The following HSPH1 variants were observed in gnomAD, a reference collection of about 807,000 sequenced individuals.
HSPH1 encodes heat shock protein family H (Hsp110) member 1.
Under a neutral mutation model 100.0 loss-of-function variants are expected in HSPH1, and 40 were observed. The observed-to-expected ratio is 0.40, with a 90% CI of 0.31 to 0.52. The LOEUF (loss-of-function observed/expected upper bound fraction) is 0.52. HSPH1 is among the 20% of genes least tolerant of loss of function. The pLI, the probability that HSPH1 is intolerant of heterozygous loss-of-function variation, is 0.54. For missense variants in HSPH1, 876 were observed against 1,015.1 expected (o/e 0.86, Z 1.86); for synonymous variants, 403 against 344.0 (o/e 1.17, Z -1.90).
At chr13:31,157,563 T>C (rs1484444453) in intron 2 of HSPH1, among the ~76,000 whole-genome samples, 1 of 152,236 alleles carries the variant, frequency 6.6e-6, no homozygotes, top group African/African-American at 2.4e-5. Flanking sequence ...GATTTTTTAA[T>C]AGGTCAGTAC....
At chr13:31,151,219 T>C in intron 6 of HSPH1, 28 bp from the exon 7 acceptor site, 1 of 1,555,982 alleles carries the variant, frequency 6.4e-7, no homozygotes, top group East Asian at 2.2e-5. Flanking sequence ...ACAAATAGTC[T>C]GGTTATTTTC....
At chr13:31,143,572 G>A (rs1956171656) in intron 12 of HSPH1, among the ~76,000 whole-genome samples, 1 of 152,124 alleles carries the variant, frequency 6.6e-6, no homozygotes, top group African/African-American at 2.4e-5. Context: ...TTAATCAAGA[G>A]AAGCTTTTAA....
At position 31,141,114 on chromosome 13, in the gene HSPH1, G is replaced by A; in HGVS notation, c.1854+8C>T. 1 of 1,529,210 alleles carries A rather than the reference G, an allele frequency of 6.5e-7. No individual in the cohort carries two copies. The highest frequency in any genetic ancestry group is 2.0e-5 in the Admixed American group (1 of 49,500). 94.7% of individuals were successfully genotyped at this position (1,529,210 alleles called of 1,614,324 possible). ...TTCAAAATAAAAATATTTAATTGAA[G>A]TACTTACCTCTGTCTCAATATACAT... On this transcript the variant is annotated splice_region_variant and intron_variant, in intron 13 of 17. Transcript: ENST00000320027.
In HSPH1 at chr13:31,137,362, A is replaced by G. The variant is rs1200416811; in HGVS notation, c.2533T>C (p.Cys845Arg). Reference protein sequence around the residue: ...GAEPPHQNGECYPNEKNSVNM... With the variant: ...GAEPPHQNGERYPNEKNSVNM... The stretch of plus-strand genomic sequence containing the variant: ...ACAGAATTTTTCTCATTAGGGTAAC[A>G]TTCACCATTCTGATGTGGAGGTTCA... The change falls in exon 18 of 18, where the codon TGT becomes CGT. Residue 845 changes from cysteine to arginine, a missense_variant. Coordinates refer to ENST00000320027, the MANE Select transcript of HSPH1 (RefSeq NM_006644.4). 4.3e-6 allele frequency: 7 copies of G among 1,613,174 alleles called. No individual in the cohort carries two copies. In the African/African-American group the frequency reaches 5.3e-5, roughly 12 times the overall value.
chr13:31,144,927 A>G (rs751093707), intron 11 of HSPH1, among the ~76,000 whole-genome samples: 2 of 152,320 alleles, frequency 1.3e-5, no homozygotes, highest in East Asian at 3.9e-4. Flanking sequence ...CATCTTAACT[A>G]AAACACCACA....
intron 5 of HSPH1, chr13:31,151,962 T>A: frequency 2.0e-6 from 1 of 495,650 alleles, no homozygotes; most frequent in Non-Finnish European, 3.6e-6. Context: ...TTTCAATATA[T>A]GGAGATGTGC....
chr13:31,135,171 C>T lies in HSPH1; in HGVS notation c.*2147G>A, dbSNP rs1326235761. ...TTATAAAGTAATCAACATGACAATA[C>T]TTTTGCCCGCATCCAAAAGCGCAGT... On this transcript the variant is annotated 3_prime_UTR_variant, in exon 18 of 18. Transcript: ENST00000320027. 2 of 152,194 alleles carry T rather than the reference C, an allele frequency of 1.3e-5. No homozygotes were observed. The highest frequency in any genetic ancestry group is 6.5e-5 in the Admixed American group (1 of 15,280). 9.4% of individuals were successfully genotyped at this position (152,194 alleles called of 1,614,324 possible).
intron 2 of HSPH1, among the ~76,000 whole-genome samples, chr13:31,157,216 A>G (rs1472311053): frequency 6.6e-6 from 1 of 152,214 alleles, no homozygotes; most frequent in Non-Finnish European, 1.5e-5. Context: ...GTCTCAACAG[A>G]TTCTTCTCAA....
At chr13:31,156,258 C>T (rs1352975886) in intron 2 of HSPH1, among the ~76,000 whole-genome samples, 2 of 152,024 alleles carry the variant, frequency 1.3e-5, no homozygotes, top group African/African-American at 4.8e-5. Flanking sequence ...GGCGTGGTTG[C>T]GGGCACCTGC....
rs902685464 is a variant in HSPH1, at chr13:31,137,613, T to C, written c.2371-89A>G. On this transcript the variant is annotated intron_variant, in intron 17 of 17. Coordinates refer to ENST00000320027, the MANE Select transcript of HSPH1 (RefSeq NM_006644.4). ...TCTCCACATACTCAACCCACTATTT[T>C]TCTACCAACTCCAATTACACATAAA... is the stretch of plus-strand genomic sequence containing the variant. 6 of 866,968 alleles carry C rather than the reference T, an allele frequency of 6.9e-6. No individual in the cohort carries two copies. In the African/African-American group the frequency reaches 1.0e-4, roughly 15 times the overall value. 53.7% of individuals were successfully genotyped at this position (866,968 alleles called of 1,614,324 possible).
At chr13:31,152,191 C>T (rs1232749676) in intron 5 of HSPH1, 1 of 152,786 alleles carries the variant, frequency 6.5e-6, no homozygotes, top group Non-Finnish European at 1.5e-5. Context: ...TTTTTCTGAA[C>T]TTTAAACAAC....
intron 11 of HSPH1, among the ~76,000 whole-genome samples, chr13:31,144,317 A>G (rs1280073848): frequency 6.6e-6 from 1 of 152,152 alleles, no homozygotes; most frequent in Non-Finnish European, 1.5e-5. Flanking sequence ...ACCAGCAGCC[A>G]TCATGGATCT....
chr13:31,158,481 G>A (rs113968854), intron 2 of HSPH1, among the ~76,000 whole-genome samples: 2,530 of 150,872 alleles, frequency 0.017, 73 homozygotes, highest in African/African-American at 0.059. Flanking sequence ...CCCGGGAGGC[G>A]GAGGTTGCAG....
intron 5 of HSPH1, 137 bp downstream of exon 5, chr13:31,152,715 A>C: frequency 1.6e-6 from 1 of 611,828 alleles, no homozygotes; most frequent in Non-Finnish European, 2.9e-6. Context: ...AAGCATTTTA[A>C]GAGGTAGACT....
At position 31,137,331 on chromosome 13, in the gene HSPH1, A is replaced by G. The variant is rs778687386; in HGVS notation, c.2564T>C (p.Met855Thr). 3.7e-6 allele frequency: 6 copies of G among 1,606,274 alleles called. No homozygotes were observed. The Admixed American group carries it at 1.0e-4, about 27-fold the overall frequency. The change falls in exon 18 of 18, where the codon ATG (methionine) becomes ACG (threonine). Residue 855 changes from methionine (M) to threonine (T), a missense_variant. Physicochemically the swap from Met to Thr is moderately conservative, Grantham distance 81. Transcript: ENST00000320027. Reference protein sequence around the residue: ...CYPNEKNSVNMDLD With the variant: ...CYPNEKNSVNTDLD ...ATTTAAGGTTATCTAGTCCAAGTCC[A>G]TATTAACAGAATTTTTCTCATTAGG...
rs1388531338 is a variant in HSPH1 at position 31,135,032 on chromosome 13, T to C, written c.*2286A>G. ...TCACAAAATGACAATTTAAAATGAA[T>C]TGTAAAATTTAATCTTTAAACAGCA... On this transcript the variant is annotated 3_prime_UTR_variant, in exon 18 of 18. Coordinates refer to ENST00000320027, the MANE Select transcript of HSPH1 (RefSeq NM_006644.4). The C allele has an allele frequency of 6.6e-6, 1 of 152,218 alleles. No individual in the cohort carries two copies. Among genetic ancestry groups the C allele is most frequent in the Admixed American group, 6.5e-5 (1 of 15,286 alleles). 9.4% of individuals were successfully genotyped at this position (152,218 alleles called of 1,614,324 possible). A position where few individuals can be genotyped will look rare whatever the true frequency, so the allele number is the denominator to read the frequency against.
chr13:31,155,625 A>G lies in HSPH1; in HGVS notation c.195T>C (p.Ser65=). 1 of 1,611,850 alleles carries G rather than the reference A, an allele frequency of 6.2e-7. No homozygotes were observed. Among genetic ancestry groups the G allele is most frequent in the South Asian group, 1.1e-5 (1 of 90,438 alleles). Reference sequence around the variant, plus strand: ...CTCGGCCATGAAATCTTTTGAAGTTAGACACCGTATTGTTTGCATGAGTGA... The same window carrying G: ...CTCGGCCATGAAATCTTTTGAAGTTGGACACCGTATTGTTTGCATGAGTGA... ...QQITHANNTV[S]NFKRFHGRAF... Residue 65 remains serine (S), a synonymous_variant, in exon 3 of 18, where the codon TCT becomes TCC. Transcript: ENST00000320027.
In HSPH1 at chr13:31,141,218, C is replaced by T. The variant is rs766279813; in HGVS notation, c.1758G>A (p.Lys586=). 6.2e-7 allele frequency: 1 copy of T among 1,609,324 alleles called. No homozygotes were observed. The highest frequency in any genetic ancestry group is 1.7e-5 in the Admixed American group (1 of 59,474). ...CAACATTCACCACCTTTATTTTGGG[C>T]TTTTTAGCTTCTGGAGGCTGGTCAA... The part of the protein sequence containing the change: ...KKVDQPPEAK[K]PKIKVVNVEL... Residue 586 remains lysine (K), a synonymous_variant, in exon 13 of 18, where the codon AAG becomes AAA. Coordinates refer to ENST00000320027, the MANE Select transcript of HSPH1 (RefSeq NM_006644.4).
At position 31,150,192 on chromosome 13, in the gene HSPH1, TA is replaced by T. The variant is rs754408756; in HGVS notation, c.909-11del. 91 of 1,545,448 alleles carry T rather than the reference TA, an allele frequency of 5.9e-5. No individual in the cohort carries two copies. The highest frequency in any genetic ancestry group is 7.3e-5 in the Non-Finnish European group (84 of 1,143,162). ...TTCTTCAAATTGTGACCTTAGCAAA[TA>T]AAAACTTGTTTTTAGAAAAGTTAAG... On this transcript the variant is annotated splice_polypyrimidine_tract_variant and intron_variant, in intron 7 of 17. Coordinates refer to ENST00000320027, the MANE Select transcript of HSPH1 (RefSeq NM_006644.4).
Sources: gnomAD v4.1 joint callset for allele counts (sites outside exome capture counted in the v4.1 genomes callset) on GRCh38, gnomAD v4.1.1 for gene constraint, MANE v1.5 for transcripts, NCBI Gene and HGNC (gene_info 2026-07-23, HGNC 2026-07-21) for gene names.